PDE11A: variants seen among roughly 807,000 people sequenced by gnomAD.
PDE11A encodes the protein dual 3',5'-cyclic-AMP and -GMP phosphodiesterase 11A.
In PDE11A, 100 loss-of-function variants were observed where a neutral mutation model predicts 100.5. The ratio of observed to expected loss-of-function variants is 1.00; its 90% CI spans 0.85 to 1.18. The LOEUF (loss-of-function observed/expected upper bound fraction) is 1.18, where lower values mean the gene tolerates loss of function less well. Among genes scored for constraint, PDE11A ranks in the 50% most tolerant of loss-of-function variants. PDE11A has a pLI of 0.00. For missense variants in PDE11A, 1,141 were observed against 1,152.6 expected, an observed-to-expected ratio of 0.99 and a Z score of 0.15; for synonymous variants, 381 against 420.8, an observed-to-expected ratio of 0.91 and a Z score of 1.16.
intron 5 of PDE11A, among the ~76,000 whole-genome samples, chr2:177,842,776 C>T (rs542601500): frequency 2.0e-5 from 3 of 152,264 alleles, no homozygotes; most frequent in East Asian, 3.9e-4. Flanking sequence ...ATTTTGTTCC[C>T]GACTGCCTGT....
At chr2:177,813,619 A>G (rs1270369058) in intron 9 of PDE11A, among the ~76,000 whole-genome samples, 1 of 152,116 alleles carries the variant, frequency 6.6e-6, no homozygotes, top group Admixed American at 6.6e-5. Context: ...TTTTATGAAA[A>G]ATGCCTTGGG....
intron 1 of PDE11A, among the ~76,000 whole-genome samples, chr2:178,051,993 C>T (rs1171113710): frequency 6.6e-6 from 1 of 152,094 alleles, no homozygotes; most frequent in African/African-American, 2.4e-5. Flanking sequence ...GAATTGAACT[C>T]AGCTCTGCAC....
chr2:177,666,845 A>C (rs2080595059), intron 18 of PDE11A, among the ~76,000 whole-genome samples: 1 of 151,714 alleles, frequency 6.6e-6, no homozygotes, highest in African/African-American at 2.4e-5. Flanking sequence ...AATATGGGAA[A>C]ATTTACTTTC....
chr2:177,997,904 ACAATTT>A (rs776044567), intron 2 of PDE11A: 55 of 1,354,286 alleles, frequency 4.1e-5, no homozygotes, highest in Non-Finnish European at 5.6e-5. Flanking sequence ...ATCTCCACCA[ACAATTT>A]CAATACCTCC....
At chr2:177,914,237 C>A (rs887990070) in intron 2 of PDE11A, among the ~76,000 whole-genome samples, 8 of 152,010 alleles carry the variant, frequency 5.3e-5, no homozygotes, top group African/African-American at 1.9e-4. Context: ...AGTAAGTACC[C>A]TTTATGTGCT....
intron 10 of PDE11A, among the ~76,000 whole-genome samples, chr2:177,753,683 G>A (rs1011406740): frequency 6.6e-6 from 1 of 151,726 alleles, no homozygotes; most frequent in Admixed American, 6.6e-5. Context: ...CTAGCAGAGA[G>A]AGGCTTGCTT....
At chr2:177,638,886 TC>T (rs2080095603) in intron 19 of PDE11A, among the ~76,000 whole-genome samples, 1 of 152,234 alleles carries the variant, frequency 6.6e-6, no homozygotes, top group Non-Finnish European at 1.5e-5. Context: ...CTTTACTTGC[TC>T]CTTTTTGCTT....
chr2:177,847,335 A>T (rs75129484), intron 5 of PDE11A, among the ~76,000 whole-genome samples: 13,858 of 152,226 alleles, frequency 0.091, 632 homozygotes, highest in Middle Eastern at 0.15. Flanking sequence ...AATATTAACC[A>T]ACTTTCTTGA....
intron 2 of PDE11A, among the ~76,000 whole-genome samples, chr2:178,010,700 T>C (rs1356541057): frequency 6.6e-6 from 1 of 152,122 alleles, no homozygotes; most frequent in Non-Finnish European, 1.5e-5. Context: ...CGAGGCTCTG[T>C]AGAAAAAGAA....
chr2:177,689,859 C>T (rs2081017062), intron 15 of PDE11A, among the ~76,000 whole-genome samples: 1 of 152,186 alleles, frequency 6.6e-6, no homozygotes. Flanking sequence ...TCATTCAAAC[C>T]ACAATCACCA....
chr2:177,897,927 G>C lies in PDE11A; in HGVS notation c.1302+131C>G. The C allele has an allele frequency of 1.1e-5, 8 of 752,816 alleles. No homozygotes were observed. The South Asian group carries it at 1.1e-4, about 10-fold the overall frequency. The allele number at this position is 752,816 out of a possible 1,614,324, so 46.6% of individuals were successfully genotyped here. On this transcript the variant is annotated intron_variant, in intron 4 of 19. Transcript: ENST00000286063. The stretch of plus-strand genomic sequence containing the variant: ...AAAGAAAATAAAAAACTTGTTTGAT[G>C]AAAAGTTGCCCCATGGTTGAAGAGT...
chr2:178,105,924 T>G (rs1410847804), intron 1 of PDE11A, among the ~76,000 whole-genome samples: 1 of 152,198 alleles, frequency 6.6e-6, no homozygotes, highest in Admixed American at 6.5e-5. Context: ...TTTCTGTTTT[T>G]GTGTTCTGTG....
At chr2:177,758,776 C>A (rs1027943070) in intron 10 of PDE11A, among the ~76,000 whole-genome samples, 1 of 152,206 alleles carries the variant, frequency 6.6e-6, no homozygotes, top group African/African-American at 2.4e-5. Flanking sequence ...TGGGATACAG[C>A]AAGCACAAGG....
chr2:177,660,422 G>A (rs1559131017), intron 19 of PDE11A, among the ~76,000 whole-genome samples: 1 of 151,980 alleles, frequency 6.6e-6, no homozygotes. Context: ...CTCTCTCGTT[G>A]ACAATATATA....
rs560667515 is a variant in PDE11A, at chr2:178,025,106, C to T, written c.913-10646G>A. Among the ~76,000 whole-genome samples, 5 of 152,248 alleles carry T rather than the reference C, an allele frequency of 3.3e-5. No homozygotes were observed. The South Asian group carries it at 1.0e-3, about 32-fold the overall frequency. On this transcript the variant is annotated intron_variant, in intron 1 of 19. Transcript: ENST00000286063. ...CATTGTTGTTCTTAATATGTATTTG[C>T]AGAATTTCATTGCTGTACAGTAAAC... is the stretch of plus-strand genomic sequence containing the variant.
intron 2 of PDE11A, among the ~76,000 whole-genome samples, chr2:177,942,075 T>C (rs1436820181): frequency 6.6e-6 from 1 of 152,224 alleles, no homozygotes; most frequent in African/African-American, 2.4e-5. Context: ...CTACAAGAAA[T>C]GCTATTGCTT....
chr2:177,754,926 T>C (rs909685495), intron 10 of PDE11A, among the ~76,000 whole-genome samples: 3 of 152,250 alleles, frequency 2.0e-5, no homozygotes, highest in Non-Finnish European at 2.9e-5. Flanking sequence ...GAGTTTCAAA[T>C]ATCAGATCTA....
chr2:177,734,822 G>C (rs2081749750), intron 10 of PDE11A, among the ~76,000 whole-genome samples: 1 of 152,214 alleles, frequency 6.6e-6, no homozygotes, highest in South Asian at 2.1e-4. Flanking sequence ...GATGGCGCTT[G>C]ATGTTGGTGT....
intron 9 of PDE11A, among the ~76,000 whole-genome samples, chr2:177,816,183 C>T (rs1333529629): frequency 1.3e-5 from 2 of 151,986 alleles, no homozygotes; most frequent in East Asian, 1.9e-4. Flanking sequence ...TGTACTCCAG[C>T]CTGGGCAAAA....
Sources: gnomAD v4.1 joint callset for allele counts (sites outside exome capture counted in the v4.1 genomes callset) on GRCh38, gnomAD v4.1.1 for gene constraint, MANE v1.5 for transcripts, NCBI Gene and HGNC (gene_info 2026-07-23, HGNC 2026-07-21) for gene names.